Variants in WBP1L observed in about 807,000 individuals in gnomAD.
The protein encoded by WBP1L is WW domain binding protein 1-like.
A neutral mutation model predicts 33.7 loss-of-function variants in WBP1L; 17 were observed. The ratio of observed to expected loss-of-function variants is 0.50; its 90% CI spans 0.34 to 0.76. The LOEUF (loss-of-function observed/expected upper bound fraction) is 0.76. Ranked by LOEUF, WBP1L falls within the 30% of genes least tolerant of loss-of-function variation. The pLI, the probability that WBP1L is intolerant of heterozygous loss-of-function variation, is 0.01. For missense variants in WBP1L, 389 were observed against 469.4 expected, an observed-to-expected ratio of 0.83 and a Z score of 1.58; for synonymous variants, 173 against 190.8, an observed-to-expected ratio of 0.91 and a Z score of 0.77.
chr10:102,754,294 G>A (rs375360726), intron 1 of WBP1L, among the ~76,000 whole-genome samples: 22 of 152,128 alleles, frequency 1.4e-4, no homozygotes, highest in Middle Eastern at 3.2e-3. Flanking sequence ...CATTTGGGAG[G>A]GGGTAAGGAG....
At chr10:102,795,173 C>T (rs1412649892) in intron 1 of WBP1L, among the ~76,000 whole-genome samples, 2 of 152,170 alleles carry the variant, frequency 1.3e-5, no homozygotes, top group East Asian at 1.9e-4. Context: ...ATATTCAATA[C>T]TTTATTGTAA....
At chr10:102,758,789 C>A (rs1416716619) in intron 1 of WBP1L, among the ~76,000 whole-genome samples, 1 of 152,136 alleles carries the variant, frequency 6.6e-6, no homozygotes, top group Non-Finnish European at 1.5e-5. Context: ...GAGGGTCAGT[C>A]TTCTAAGTGG....
intron 1 of WBP1L, among the ~76,000 whole-genome samples, chr10:102,752,771 G>T (rs576156663): frequency 6.6e-6 from 1 of 152,086 alleles, no homozygotes; most frequent in African/African-American, 2.4e-5. Context: ...TCTCACGCAC[G>T]CTTAGCCTGT....
chr10:102,806,678 T>C (rs1327084815), intron 2 of WBP1L, among the ~76,000 whole-genome samples: 1 of 152,218 alleles, frequency 6.6e-6, no homozygotes, highest in Non-Finnish European at 1.5e-5. Context: ...CTCTGTCTGT[T>C]CTCTTGCTGC....
At chr10:102,747,602 C>T (rs1414489881) in intron 1 of WBP1L, among the ~76,000 whole-genome samples, 1 of 152,142 alleles carries the variant, frequency 6.6e-6, no homozygotes, top group Non-Finnish European at 1.5e-5. Context: ...TCTTGGATCA[C>T]TGCAGCCTCG....
At chr10:102,746,626 G>A (rs973615028) in intron 1 of WBP1L, among the ~76,000 whole-genome samples, 31 of 151,884 alleles carry the variant, frequency 2.0e-4, no homozygotes, top group Admixed American at 1.3e-3. Context: ...GGTGGGGGAA[G>A]GGGTTGCTTG....
chr10:102,764,851 A>C (rs114539207), intron 1 of WBP1L, among the ~76,000 whole-genome samples: 248 of 152,308 alleles, frequency 1.6e-3, no homozygotes, highest in African/African-American at 4.9e-3. Context: ...AGACCTTATT[A>C]ACTTTCACAA....
intron 1 of WBP1L, among the ~76,000 whole-genome samples, chr10:102,772,466 G>A (rs368886734): frequency 3.4e-5 from 5 of 149,056 alleles, no homozygotes; most frequent in African/African-American, 7.4e-5. Flanking sequence ...TCCCCATGTC[G>A]GTCAGGCTGG....
chr10:102,797,455 G>A (rs905184069), intron 1 of WBP1L, among the ~76,000 whole-genome samples: 1 of 152,196 alleles, frequency 6.6e-6, no homozygotes, highest in Non-Finnish European at 1.5e-5. Context: ...TTGCTTTTGT[G>A]TCCTGAATCT....
At chr10:102,793,364 G>A (rs1329175900) in intron 1 of WBP1L, among the ~76,000 whole-genome samples, 2 of 152,186 alleles carry the variant, frequency 1.3e-5, no homozygotes, top group African/African-American at 4.8e-5. Flanking sequence ...AGGATCACGT[G>A]AGCCCAGGAG....
chr10:102,772,451 G>A (rs925891206), intron 1 of WBP1L, among the ~76,000 whole-genome samples: 8 of 150,588 alleles, frequency 5.3e-5, no homozygotes, highest in Non-Finnish European at 1.0e-4. Flanking sequence ...AGTAGAGATG[G>A]GGTTTCCCCA....
In WBP1L at chr10:102,745,726, T is replaced by C. The variant is rs1842857134; in HGVS notation, c.90+1583T>C. On this transcript the variant is annotated intron_variant, in intron 1 of 3. Coordinates refer to ENST00000448841, the MANE Select transcript of WBP1L (RefSeq NM_001083913.2). The stretch of plus-strand genomic sequence containing the variant: ...GTGTCTAATTTTTCCTCAGGATATG[T>C]TTGTGTATACTAGAAATACCATGTG... Among the ~76,000 whole-genome samples the C allele has an allele frequency of 2.0e-5, 3 of 152,192 alleles. No individual in the cohort carries two copies. In the South Asian group the frequency reaches 6.2e-4, roughly 31 times the overall value.
chr10:102,810,417 C>G (rs1479171866), intron 3 of WBP1L, among the ~76,000 whole-genome samples: 2 of 114,630 alleles, frequency 1.7e-5, no homozygotes, highest in East Asian at 5.1e-4. Flanking sequence ...TTCTTTCTTT[C>G]CCTGCCTGCC....
intron 1 of WBP1L, among the ~76,000 whole-genome samples, chr10:102,792,592 C>CTTTTTTTTTTTTTTT (rs11368357): frequency 9.7e-5 from 10 of 103,572 alleles, no homozygotes; most frequent in Middle Eastern, 6.8e-3. Context: ...TTTTTCTTTT[C>CTTTTTTTTTTTTTTT]TTTTTTTTTT....
chr10:102,748,219 G>A (rs1842887451), intron 1 of WBP1L, among the ~76,000 whole-genome samples: 1 of 151,356 alleles, frequency 6.6e-6, no homozygotes, highest in Admixed American at 6.6e-5. Context: ...TCGCGCCACT[G>A]CACTCTCCAG....
chr10:102,772,204 C>T (rs1343803553), intron 1 of WBP1L, among the ~76,000 whole-genome samples: 3 of 151,216 alleles, frequency 2.0e-5, no homozygotes, highest in Non-Finnish European at 2.9e-5. Context: ...GTGATCCACC[C>T]GCCTCTGCCT....
At chr10:102,799,324 TA>T (rs547568367) in intron 2 of WBP1L, among the ~76,000 whole-genome samples, 531 of 140,592 alleles carry the variant, frequency 3.8e-3, no homozygotes, top group Middle Eastern at 7.4e-3. Flanking sequence ...AGGCTCCATC[TA>T]AAAAAAAAAA....
chr10:102,796,081 G>A (rs1052754336), intron 1 of WBP1L, among the ~76,000 whole-genome samples: 2 of 151,882 alleles, frequency 1.3e-5, no homozygotes, highest in African/African-American at 2.4e-5. Context: ...TACATGGCCA[G>A]TAGAAATCAT....
In WBP1L at chr10:102,776,622, T is replaced by A. The variant is rs111283638; in HGVS notation, c.91-21371T>A. 8.4e-3 allele frequency among the ~76,000 whole-genome samples: 1,276 copies of A among 152,258 alleles called. 10 individuals are homozygous for A. Among genetic ancestry groups the A allele is most frequent in the African/African-American group, 0.029 (1,203 of 41,550 alleles). ...GCCACCGTGTTCTTAACCCTCTACG[T>A]CCCCGAGGTTTCTCTAGGGCTGACC... On this transcript the variant is annotated intron_variant, in intron 1 of 3. Transcript: ENST00000448841.
Sources: gnomAD v4.1 joint callset for allele counts (sites outside exome capture counted in the v4.1 genomes callset) on GRCh38, gnomAD v4.1.1 for gene constraint, MANE v1.5 for transcripts, NCBI Gene and HGNC (gene_info 2026-07-23, HGNC 2026-07-21) for gene names.